The following MCTP2 variants were observed in gnomAD, a reference collection of about 807,000 sequenced individuals.
MCTP2 encodes multiple C2 and transmembrane domain-containing protein 2.
MCTP2 carries 132 observed loss-of-function variants against 111.6 expected under a neutral mutation model. The ratio of observed to expected loss-of-function variants is 1.18; its 90% confidence interval spans 1.03 to 1.37. The LOEUF is 1.37. MCTP2 is among the 40% of genes most tolerant of loss of function. The probability of loss-of-function intolerance (pLI) is 0.00; values close to 1 mark genes in which losing one functional copy is unlikely to be tolerated. For missense variants in MCTP2, 1,183 were observed against 1,067.9 expected (o/e 1.11, Z -1.50); for synonymous variants, 395 against 387.7 (o/e 1.02, Z -0.22).
intron 17 of MCTP2, among the ~76,000 whole-genome samples, chr15:94,426,347 C>T (rs1176353846): frequency 6.6e-6 from 1 of 152,080 alleles, no homozygotes; most frequent in African/African-American, 2.4e-5. Flanking sequence ...AAACCTTTCT[C>T]AGTGTGCCAT....
intron 10 of MCTP2, among the ~76,000 whole-genome samples, chr15:94,360,930 T>C (rs2078897602): frequency 6.6e-6 from 1 of 151,864 alleles, no homozygotes; most frequent in South Asian, 2.1e-4. Flanking sequence ...TGGGAGCTGG[T>C]GCTACTGCTT....
intron 1 of MCTP2, among the ~76,000 whole-genome samples, chr15:94,248,399 G>C (rs1224804834): frequency 1.3e-5 from 2 of 152,100 alleles, no homozygotes; most frequent in Non-Finnish European, 1.5e-5. Context: ...CGTGACTGTG[G>C]CTCAGTAGAT....
At chr15:94,331,039 A>C (rs1448290076) in intron 4 of MCTP2, among the ~76,000 whole-genome samples, 2 of 152,186 alleles carry the variant, frequency 1.3e-5, no homozygotes, top group Non-Finnish European at 2.9e-5. Flanking sequence ...CAGCCCAGGC[A>C]TATGTTTTTA....
rs1555481312 is a variant in MCTP2, at chr15:94,464,239, A to AATATAT, written c.2360+6006_2360+6011dup. Among the ~76,000 whole-genome samples, 458 of 89,316 alleles carry AATATAT rather than the reference A, an allele frequency of 5.1e-3. 30 individuals are homozygous for AATATAT. The highest frequency in any genetic ancestry group is 8.5e-3 in the Non-Finnish European group (371 of 43,588). The allele number at this position is 89,316 out of a possible 152,430, so 58.6% of individuals were successfully genotyped here. On this transcript the variant is annotated intron_variant, in intron 20 of 22. Transcript: ENST00000357742. ...TGAAATATTATATGTTTATATATATAATATATATATATATATATTATATAT... is the reference window on the plus strand; with the variant it reads ...TGAAATATTATATGTTTATATATATAATATATATATATATATATATATATTATATAT...
chr15:94,313,343 A>G (rs938382237), intron 2 of MCTP2, among the ~76,000 whole-genome samples: 4 of 152,124 alleles, frequency 2.6e-5, no homozygotes, highest in East Asian at 3.9e-4. Flanking sequence ...CATACTAACT[A>G]CTGCATGATG....
intron 1 of MCTP2, among the ~76,000 whole-genome samples, chr15:94,238,676 G>A (rs1354818887): frequency 6.6e-6 from 1 of 152,174 alleles, no homozygotes. Flanking sequence ...ACAATGAAGC[G>A]TGCTGTTCGT....
intron 1 of MCTP2, among the ~76,000 whole-genome samples, chr15:94,266,718 C>A (rs944712176): frequency 6.6e-6 from 1 of 152,160 alleles, no homozygotes; most frequent in Non-Finnish European, 1.5e-5. Context: ...ACTGAAAGGC[C>A]AGACTCACTT....
intron 4 of MCTP2, among the ~76,000 whole-genome samples, chr15:94,327,460 C>G (rs1403377967): frequency 6.6e-6 from 1 of 152,210 alleles, no homozygotes; most frequent in Non-Finnish European, 1.5e-5. Context: ...AGCTCCACAC[C>G]AGAGTTTTAT....
At chr15:94,455,285 GTGAA>G (rs2084749433) in intron 19 of MCTP2, among the ~76,000 whole-genome samples, 1 of 152,212 alleles carries the variant, frequency 6.6e-6, no homozygotes, top group African/African-American at 2.4e-5. Context: ...AAAAGTTCCT[GTGAA>G]TGAATATAAA....
At chr15:94,409,836 A>G (rs1304352784) in intron 17 of MCTP2, among the ~76,000 whole-genome samples, 2 of 147,916 alleles carry the variant, frequency 1.4e-5, no homozygotes, top group South Asian at 2.2e-4. Context: ...AAGTCTATCA[A>G]CCCTCCTCCC....
At chr15:94,466,122 A>ATTTTC (rs953967534) in intron 20 of MCTP2, among the ~76,000 whole-genome samples, 3 of 151,654 alleles carry the variant, frequency 2.0e-5, no homozygotes, top group African/African-American at 7.3e-5. Context: ...CTTGTTTTTC[A>ATTTTC]TTTTCTTTTG....
chr15:94,318,925 A>G (rs750414275), intron 4 of MCTP2, among the ~76,000 whole-genome samples: 1 of 152,166 alleles, frequency 6.6e-6, no homozygotes, highest in Non-Finnish European at 1.5e-5. Flanking sequence ...TTTGGCTTTT[A>G]TTTTGTGCAA....
chr15:94,347,906 A>ACACACG (rs2152414074), intron 8 of MCTP2, among the ~76,000 whole-genome samples: 2 of 149,856 alleles, frequency 1.3e-5, no homozygotes, highest in South Asian at 4.2e-4. Flanking sequence ...AGACATACAC[A>ACACACG]CACACACACA....
intron 1 of MCTP2, among the ~76,000 whole-genome samples, chr15:94,263,488 T>C (rs182050955): frequency 5.3e-5 from 8 of 152,342 alleles, no homozygotes; most frequent in Non-Finnish European, 1.2e-4. Flanking sequence ...TCATTAACTC[T>C]GAACTCATAG....
chr15:94,406,455 G>A, intron 17 of MCTP2, among the ~76,000 whole-genome samples: 1 of 152,210 alleles, frequency 6.6e-6, no homozygotes. Flanking sequence ...CAACCATACT[G>A]ATTGTTTCAG....
chr15:94,386,188 G>C (rs906803860), intron 14 of MCTP2, among the ~76,000 whole-genome samples: 4 of 151,944 alleles, frequency 2.6e-5, no homozygotes, highest in Admixed American at 2.6e-4. Context: ...GGGAAGCTGG[G>C]GAGTGAATTC....
intron 5 of MCTP2, among the ~76,000 whole-genome samples, chr15:94,339,903 G>A (rs1178440760): frequency 1.3e-5 from 2 of 152,138 alleles, no homozygotes; most frequent in Non-Finnish European, 2.9e-5. Context: ...TTTAATGACA[G>A]ACTATTTAAA....
chr15:94,241,724 C>T (rs1039827513), intron 1 of MCTP2, among the ~76,000 whole-genome samples: 2 of 151,740 alleles, frequency 1.3e-5, no homozygotes, highest in Admixed American at 6.6e-5. Flanking sequence ...CTAGTTTGAG[C>T]TAAGTCACTT....
rs533465574 is a variant in MCTP2 at position 94,409,773 on chromosome 15, G to A, written c.2085+7754G>A. On this transcript the variant is annotated intron_variant, in intron 17 of 22. Transcript: ENST00000357742. Reference sequence around the variant, plus strand: ...AAGCAGTGATGGTTTCGAGTATCTAGTACACTGCTAGATATTGAAATGCAG... The same window carrying A: ...AAGCAGTGATGGTTTCGAGTATCTAATACACTGCTAGATATTGAAATGCAG... Among the ~76,000 whole-genome samples the A allele has an allele frequency of 1.4e-4, 21 of 151,634 alleles. No individual in the cohort carries two copies. The South Asian group carries it at 3.8e-3, about 27-fold the overall frequency.
Sources: gnomAD v4.1 joint callset for allele counts (sites outside exome capture counted in the v4.1 genomes callset) on GRCh38, gnomAD v4.1.1 for gene constraint, MANE v1.5 for transcripts, NCBI Gene and HGNC (gene_info 2026-07-23, HGNC 2026-07-21) for gene names.